The following CDH23 variants were observed in gnomAD, a reference collection of about 807,000 sequenced individuals.
The protein encoded by CDH23 is cadherin related 23.
In CDH23, 189 loss-of-function variants were observed where a neutral mutation model predicts 317.1. That is an observed-to-expected ratio of 0.60 (90% confidence interval 0.53 to 0.67). CDH23 has a LOEUF of 0.67. CDH23 is among the 30% of genes least tolerant of loss of function. The pLI, the probability that CDH23 is intolerant of heterozygous loss-of-function variation, is 0.00. For synonymous variants in CDH23, 1,839 were observed against 1,876.8 expected (o/e 0.98, Z 0.52); for missense variants, 4,401 against 4,592.4 (o/e 0.96, Z 1.20).
chr10:71,526,206 A>G (rs900933969), intron 6 of CDH23, among the ~76,000 whole-genome samples: 14 of 152,222 alleles, frequency 9.2e-5, no homozygotes, highest in Admixed American at 4.6e-4. Context: ...TATCAAGCAC[A>G]TCTTCCTCTA....
At chr10:71,398,853 G>A (rs560620267) in intron 1 of CDH23, among the ~76,000 whole-genome samples, 1 of 152,176 alleles carries the variant, frequency 6.6e-6, no homozygotes, top group Non-Finnish European at 1.5e-5. Flanking sequence ...TGTGAACCAG[G>A]AAGCTCTGCC....
At chr10:71,553,862 T>C (rs1418309789) in intron 6 of CDH23, among the ~76,000 whole-genome samples, 1 of 152,196 alleles carries the variant, frequency 6.6e-6, no homozygotes, top group Non-Finnish European at 1.5e-5. Flanking sequence ...GTGGTCCCCT[T>C]TGGGATGGAG....
At chr10:71,753,885 G>C (rs368795975) in intron 38 of CDH23, 9 of 456,282 alleles carry the variant, frequency 2.0e-5, no homozygotes, top group African/African-American at 6.0e-5. Flanking sequence ...GTCAGGCTTC[G>C]TGCAGGTGCA....
In CDH23 at chr10:71,566,284, C is replaced by T. The variant is rs963112768; in HGVS notation, c.430-458C>T. On this transcript the variant is annotated intron_variant, in intron 6 of 69. Coordinates refer to ENST00000224721, the MANE Select transcript of CDH23 (RefSeq NM_022124.6). ...CTCAGCAGCCCCATCCATTGTTCTC[C>T]GGAGGCCCTTTCCAGCCTGACCAGG... Among the ~76,000 whole-genome samples the T allele has an allele frequency of 3.3e-5, 5 of 152,110 alleles. 1 individual carries two copies. Among genetic ancestry groups the T allele is most frequent in the South Asian group, 4.2e-4 (2 of 4,816 alleles).
chr10:71,789,209 C>T lies in CDH23; in HGVS notation c.5923+167C>T, dbSNP rs144963254. Among the ~76,000 whole-genome samples the T allele has an allele frequency of 3.1e-3, 470 of 152,294 alleles. 3 individuals are homozygous for T. Among genetic ancestry groups the T allele is most frequent in the African/African-American group, 0.01 (435 of 41,566 alleles). ...CCGGGAGATGGTGGGCTGGGGCTCC[C>T]GGGCCTCCTATGAGCACAAAGAAGC... On this transcript the variant is annotated intron_variant, in intron 45 of 69. Coordinates refer to ENST00000224721, the MANE Select transcript of CDH23 (RefSeq NM_022124.6).
At chr10:71,800,589 T>C in intron 52 of CDH23, 47 bp from the exon 53 acceptor site, 1 of 1,594,716 alleles carries the variant, frequency 6.3e-7, no homozygotes, top group African/African-American at 1.3e-5. Flanking sequence ...GCTCAATAAA[T>C]ATCTTTTGAA....
chr10:71,512,917 C>T (rs776249496), intron 6 of CDH23, among the ~76,000 whole-genome samples: 2 of 152,204 alleles, frequency 1.3e-5, no homozygotes, highest in African/African-American at 2.4e-5. Flanking sequence ...TGTGGAATGA[C>T]AGGAGTTAGA....
At chr10:71,648,462 A>G (rs1863006039) in intron 14 of CDH23, among the ~76,000 whole-genome samples, 1 of 152,212 alleles carries the variant, frequency 6.6e-6, no homozygotes, top group African/African-American at 2.4e-5. Flanking sequence ...ATCCAGGCTT[A>G]GTGGGTGTCA....
chr10:71,581,994 C>T (rs1858673296), intron 9 of CDH23, among the ~76,000 whole-genome samples: 1 of 152,230 alleles, frequency 6.6e-6, no homozygotes, highest in African/African-American at 2.4e-5. Flanking sequence ...AGATGTTCGA[C>T]CTCTCAATCC....
chr10:71,812,282 C>T, intron 66 of CDH23, 198 bp from the exon 67 acceptor site: 2 of 1,599,072 alleles, frequency 1.3e-6, no homozygotes, highest in Non-Finnish European at 1.7e-6. Context: ...CAAAGGCAAT[C>T]CAGACTGACA....
At chr10:71,447,965 A>G (rs1023265256) in intron 3 of CDH23, among the ~76,000 whole-genome samples, 4 of 152,180 alleles carry the variant, frequency 2.6e-5, no homozygotes, top group Non-Finnish European at 5.9e-5. Context: ...ATCATTATTC[A>G]TGTCCATTTA....
At chr10:71,619,893 A>G (rs1292051698) in intron 11 of CDH23, among the ~76,000 whole-genome samples, 1 of 152,200 alleles carries the variant, frequency 6.6e-6, no homozygotes, top group Non-Finnish European at 1.5e-5. Flanking sequence ...CTTGCCATGT[A>G]CTAGCTGTGT....
chr10:71,726,347 A>G (rs932269838), intron 30 of CDH23, among the ~76,000 whole-genome samples: 1 of 152,064 alleles, frequency 6.6e-6, no homozygotes, highest in African/African-American at 2.4e-5. Flanking sequence ...TATCAGCCCC[A>G]TCTCCACCCC....
Position 71,805,977 on chromosome 10 carries a change from G to T in CDH23, c.8044G>T (p.Glu2682Ter). The T allele has an allele frequency of 6.2e-7, 1 of 1,604,066 alleles. No individual in the cohort carries two copies. Among genetic ancestry groups the T allele is most frequent in the South Asian group, 1.1e-5 (1 of 90,654 alleles). ...CCAGACTGCTCAGCGCCTGGACCGCGAGTCGCAGGCGGTGTACAGCGTAAG... is the reference window on the plus strand; with the variant it reads ...CCAGACTGCTCAGCGCCTGGACCGCTAGTCGCAGGCGGTGTACAGCGTAAG... ...LIQTAQRLDR[E>*]SQAVYSLILV... is the part of the protein sequence containing the mutation. Residue 2682 changes from glutamate to a stop codon, truncating the protein, a stop_gained, in exon 56 of 70, where the codon GAG becomes TAG. Transcript: ENST00000224721. LOFTEE classifies it high-confidence loss of function.
intron 55 of CDH23, among the ~76,000 whole-genome samples, chr10:71,805,542 G>A (rs2132983009): frequency 6.6e-6 from 1 of 152,284 alleles, no homozygotes; most frequent in South Asian, 2.1e-4. Context: ...GGTCACCCTG[G>A]GAAGGCTTGA....
At chr10:71,773,472 G>A (rs1435822389) in intron 38 of CDH23, 2 of 1,564,000 alleles carry the variant, frequency 1.3e-6, no homozygotes, top group African/African-American at 1.4e-5. Context: ...AACTTCTGGT[G>A]CCGGGGAGCG....
chr10:71,427,713 C>CT (rs1287974246), intron 1 of CDH23, among the ~76,000 whole-genome samples: 2,259 of 133,754 alleles, frequency 0.017, 77 homozygotes, highest in East Asian at 0.11. Flanking sequence ...TCTATGCTTA[C>CT]TTTTTTTTTT....
intron 66 of CDH23, 107 bp downstream of exon 66, chr10:71,812,122 TGGGCGCCCCCTGGTGGGC>T: frequency 6.2e-7 from 1 of 1,605,028 alleles, no homozygotes; most frequent in Non-Finnish European, 8.5e-7. Flanking sequence ...ACCCAGGCTG[TGGGCGCCCCCTGGTGGGC>T]GGGCCACCCT....
At chr10:71,564,593 A>C (rs1589213299) in intron 6 of CDH23, among the ~76,000 whole-genome samples, 1 of 152,252 alleles carries the variant, frequency 6.6e-6, no homozygotes, top group Non-Finnish European at 1.5e-5. Flanking sequence ...GCTTCCCCTC[A>C]GGACCATGCG....
Sources: allele counts gnomAD v4.1 joint callset (sites outside exome capture counted in the v4.1 genomes callset), GRCh38; gene constraint gnomAD v4.1.1; transcripts MANE v1.5; gene names NCBI Gene and HGNC (gene_info 2026-07-23, HGNC 2026-07-21).